CADM2: variants seen among roughly 807,000 people sequenced by gnomAD.
CADM2 encodes immunoglobulin superfamily member 4D.
A neutral mutation model predicts 49.8 loss-of-function variants in CADM2; 12 were observed. The ratio of observed to expected loss-of-function variants is 0.24; its 90% CI spans 0.15 to 0.39. The LOEUF (loss-of-function observed/expected upper bound fraction) is 0.39, where lower values mean the gene tolerates loss of function less well. CADM2 is among the 10% of genes least tolerant of loss of function. The pLI is 1.00. For synonymous variants in CADM2, 214 were observed against 175.4 expected, an observed-to-expected ratio of 1.22 and a Z score of -1.74; for missense variants, 378 against 492.3, an observed-to-expected ratio of 0.77 and a Z score of 2.20.
At chr3:85,814,410 A>G (rs1295782311) in intron 3 of CADM2, among the ~76,000 whole-genome samples, 1 of 152,082 alleles carries the variant, frequency 6.6e-6, no homozygotes, top group Non-Finnish European at 1.5e-5. Flanking sequence ...TGCCCACAAG[A>G]GAAAGCAGGA....
chr3:84,991,924 C>T (rs2032912621), intron 1 of CADM2, among the ~76,000 whole-genome samples: 3 of 152,114 alleles, frequency 2.0e-5, no homozygotes, highest in African/African-American at 7.2e-5. Flanking sequence ...TTGAGTCCAA[C>T]TATATGATAT....
intron 1 of CADM2, among the ~76,000 whole-genome samples, chr3:85,647,608 C>A (rs1577011198): frequency 1.3e-5 from 2 of 151,556 alleles, no homozygotes; most frequent in Admixed American, 1.3e-4. Context: ...ATAAATGATG[C>A]TTTTTTAAAA....
chr3:85,987,656 T>C (rs1046938504), intron 8 of CADM2, among the ~76,000 whole-genome samples: 1 of 146,832 alleles, frequency 6.8e-6, no homozygotes, highest in African/African-American at 2.5e-5. Flanking sequence ...TATATTTATA[T>C]AATTTATAAT....
chr3:85,738,923 G>A (rs182902901), intron 2 of CADM2, among the ~76,000 whole-genome samples: 1 of 152,122 alleles, frequency 6.6e-6, no homozygotes. Flanking sequence ...TAAGGCCCTA[G>A]TCAAAAGTAG....
intron 1 of CADM2, among the ~76,000 whole-genome samples, chr3:84,961,782 C>T (rs1036198523): frequency 2.6e-5 from 4 of 152,206 alleles, no homozygotes; most frequent in Admixed American, 1.3e-4. Flanking sequence ...GGTCAATGCA[C>T]ACACTGCTGG....
chr3:85,133,888 G>A (rs564192632), intron 1 of CADM2, among the ~76,000 whole-genome samples: 1 of 152,336 alleles, frequency 6.6e-6, no homozygotes, highest in East Asian at 1.9e-4. Flanking sequence ...GTGGTCGATG[G>A]GACTGGGCGC....
intron 1 of CADM2, among the ~76,000 whole-genome samples, chr3:85,509,945 T>C (rs1292611268): frequency 1.3e-5 from 2 of 152,008 alleles, no homozygotes; most frequent in Non-Finnish European, 2.9e-5. Context: ...AATATTCCTA[T>C]AATCATGGTA....
At chr3:85,841,032 T>C (rs2074615956) in intron 3 of CADM2, among the ~76,000 whole-genome samples, 1 of 151,762 alleles carries the variant, frequency 6.6e-6, no homozygotes, top group African/African-American at 2.4e-5. Flanking sequence ...TATAAGACTG[T>C]AATAATTGAA....
intron 1 of CADM2, among the ~76,000 whole-genome samples, chr3:85,025,408 T>C (rs1286358128): frequency 6.6e-6 from 1 of 152,166 alleles, no homozygotes; most frequent in Non-Finnish European, 1.5e-5. Context: ...TTCAAAGATG[T>C]CATACACTGT....
At chr3:85,876,560 TAA>T (rs1394424601) in intron 3 of CADM2, among the ~76,000 whole-genome samples, 1 of 152,184 alleles carries the variant, frequency 6.6e-6, no homozygotes, top group Non-Finnish European at 1.5e-5. Context: ...AATGTTCTCT[TAA>T]AAGTGACTCA....
intron 1 of CADM2, among the ~76,000 whole-genome samples, chr3:85,710,825 C>T (rs773632534): frequency 6.6e-6 from 1 of 152,020 alleles, no homozygotes; most frequent in Non-Finnish European, 1.5e-5. Flanking sequence ...GCTGTCTCTG[C>T]CCTTCTATTT....
At chr3:85,166,246 A>G (rs1488271317) in intron 1 of CADM2, among the ~76,000 whole-genome samples, 1 of 151,890 alleles carries the variant, frequency 6.6e-6, no homozygotes, top group East Asian at 1.9e-4. Flanking sequence ...CATCCGCACT[A>G]TCTCATGTGC....
chr3:85,391,739 A>G (rs976612767), intron 1 of CADM2, among the ~76,000 whole-genome samples: 1 of 152,060 alleles, frequency 6.6e-6, no homozygotes, highest in African/African-American at 2.4e-5. Flanking sequence ...CTGTTTATTT[A>G]TTTTCTCTGA....
intron 1 of CADM2, among the ~76,000 whole-genome samples, chr3:85,539,322 T>A (rs2061490418): frequency 6.6e-6 from 1 of 152,108 alleles, no homozygotes; most frequent in African/African-American, 2.4e-5. Flanking sequence ...ATATTTTAGA[T>A]GATACTAAAT....
At chr3:85,689,497 G>A (rs995665995) in intron 1 of CADM2, among the ~76,000 whole-genome samples, 1 of 152,162 alleles carries the variant, frequency 6.6e-6, no homozygotes, top group Non-Finnish European at 1.5e-5. Context: ...ATGCATCACA[G>A]AGGACAGATA....
intron 8 of CADM2, among the ~76,000 whole-genome samples, chr3:86,042,207 A>C (rs1274107620): frequency 6.6e-6 from 1 of 152,192 alleles, no homozygotes; most frequent in African/African-American, 2.4e-5. Flanking sequence ...AAGCTAGCAG[A>C]AGGCAATAAA....
At chr3:85,577,689 T>C (rs1215465811) in intron 1 of CADM2, among the ~76,000 whole-genome samples, 1 of 152,212 alleles carries the variant, frequency 6.6e-6, no homozygotes, top group Non-Finnish European at 1.5e-5. Context: ...TATTTCATGT[T>C]TTATTTTTAA....
At chr3:85,122,349 C>T (rs1041572295) in intron 1 of CADM2, among the ~76,000 whole-genome samples, 16 of 152,126 alleles carry the variant, frequency 1.1e-4, no homozygotes, top group African/African-American at 3.4e-4. Context: ...AATATTCACT[C>T]AAGTTACTGG....
intron 1 of CADM2, among the ~76,000 whole-genome samples, chr3:85,163,369 C>T (rs1237434103): frequency 6.6e-6 from 1 of 152,010 alleles, no homozygotes; most frequent in Non-Finnish European, 1.5e-5. Context: ...TAAAAAGCTT[C>T]TTGGGCATCA....
Sources: allele counts gnomAD v4.1 joint callset (sites outside exome capture counted in the v4.1 genomes callset), GRCh38; gene constraint gnomAD v4.1.1; transcripts MANE v1.5; gene names NCBI Gene and HGNC (gene_info 2026-07-23, HGNC 2026-07-21).